Variants in GALNT13 observed in about 807,000 individuals in gnomAD.
GALNT13 encodes the protein UDP-GalNAc:polypeptide N-acetylgalactosaminyltransferase 13.
Under a neutral mutation model 64.2 loss-of-function variants are expected in GALNT13, and 28 were observed. The ratio of observed to expected loss-of-function variants is 0.44; its 90% CI spans 0.32 to 0.60. The LOEUF (loss-of-function observed/expected upper bound fraction) is 0.60. Among genes scored for constraint, GALNT13 ranks in the 20% least tolerant of loss-of-function variants. The probability of loss-of-function intolerance (pLI) is 0.05; values close to 1 mark genes in which losing one functional copy is unlikely to be tolerated. For missense variants in GALNT13, 577 were observed against 669.8 expected, an observed-to-expected ratio of 0.86 and a Z score of 1.53; for synonymous variants, 214 against 224.6, an observed-to-expected ratio of 0.95 and a Z score of 0.42.
the GALNT13 span, among the ~76,000 whole-genome samples, chr2:153,645,611 A>T: frequency 1.3e-5 from 2 of 152,026 alleles, no homozygotes; most frequent in Non-Finnish European, 2.9e-5. Context: ...TGATTTATGG[A>T]TTTTGTATAT....
intron 1 of GALNT13, among the ~76,000 whole-genome samples, chr2:153,874,531 G>C (rs1281505317): frequency 1.3e-5 from 2 of 152,048 alleles, no homozygotes; most frequent in Non-Finnish European, 2.9e-5. Context: ...TCCTGAGTGG[G>C]AATGTGAGAA....
chr2:153,671,242 A>G, the GALNT13 span, among the ~76,000 whole-genome samples: 2 of 152,190 alleles, frequency 1.3e-5, no homozygotes, highest in Admixed American at 6.5e-5. Flanking sequence ...CCCAAGACAC[A>G]TGATCGTTAG....
At chr2:153,358,340 T>C in the GALNT13 span, among the ~76,000 whole-genome samples, 1 of 152,216 alleles carries the variant, frequency 6.6e-6, no homozygotes, top group African/African-American at 2.4e-5. Flanking sequence ...AGGACGTCAC[T>C]AGCAGAAGGT....
chr2:154,114,034 C>T (rs527548062), intron 3 of GALNT13, among the ~76,000 whole-genome samples: 30 of 152,288 alleles, frequency 2.0e-4, no homozygotes, highest in African/African-American at 6.5e-4. Flanking sequence ...CTCCAAGAGC[C>T]GTCTGTCTTC....
chr2:153,558,471 G>A, the GALNT13 span, among the ~76,000 whole-genome samples: 2 of 152,170 alleles, frequency 1.3e-5, no homozygotes, highest in Non-Finnish European at 2.9e-5. Flanking sequence ...CTTAGCGATG[G>A]CATCATAAAT....
chr2:153,100,813 G>A, the GALNT13 span, among the ~76,000 whole-genome samples: 12 of 152,110 alleles, frequency 7.9e-5, no homozygotes, highest in Non-Finnish European at 1.2e-4. Flanking sequence ...GAGATCTCTT[G>A]AGGCCAGGAG....
chr2:153,489,847 T>C, the GALNT13 span, among the ~76,000 whole-genome samples: 1 of 152,230 alleles, frequency 6.6e-6, no homozygotes, highest in South Asian at 2.1e-4. Context: ...TTAGCATGCA[T>C]AGTTAGGTTA....
the GALNT13 span, among the ~76,000 whole-genome samples, chr2:153,099,500 T>C: frequency 6.6e-6 from 1 of 152,180 alleles, no homozygotes; most frequent in African/African-American, 2.4e-5. Flanking sequence ...TTATGCGTTC[T>C]GCTAATAAAG....
At chr2:153,770,475 G>T in the GALNT13 span, among the ~76,000 whole-genome samples, 3 of 152,312 alleles carry the variant, frequency 2.0e-5, no homozygotes, top group East Asian at 5.8e-4. Context: ...TTGGTATCAG[G>T]AAGCTTATCT....
the GALNT13 span, among the ~76,000 whole-genome samples, chr2:153,799,711 GT>G: frequency 6.6e-6 from 1 of 152,068 alleles, no homozygotes; most frequent in South Asian, 2.1e-4. Flanking sequence ...CTATGACTTA[GT>G]TTGGCCTATT....
chr2:153,415,241 G>T, the GALNT13 span, among the ~76,000 whole-genome samples: 3 of 152,292 alleles, frequency 2.0e-5, no homozygotes, highest in East Asian at 3.9e-4. Flanking sequence ...CAGGGCAGAA[G>T]AGTATGACTC....
the GALNT13 span, among the ~76,000 whole-genome samples, chr2:153,112,121 C>T: frequency 8.5e-5 from 13 of 152,212 alleles, no homozygotes; most frequent in East Asian, 2.3e-3. Context: ...ATGGCGGGGG[C>T]AAGAGTGTGA....
At chr2:153,777,707 A>G in the GALNT13 span, among the ~76,000 whole-genome samples, 3 of 151,924 alleles carry the variant, frequency 2.0e-5, no homozygotes, top group Non-Finnish European at 4.4e-5. Flanking sequence ...CCTCTAGGGG[A>G]GCATACAGAC....
the GALNT13 span, among the ~76,000 whole-genome samples, chr2:153,231,198 A>G: frequency 6.6e-6 from 1 of 152,218 alleles, no homozygotes; most frequent in Non-Finnish European, 1.5e-5. Flanking sequence ...CAGCAGACGC[A>G]TTAGGTTTCT....
the GALNT13 span, among the ~76,000 whole-genome samples, chr2:153,744,641 T>C: frequency 6.6e-6 from 1 of 152,116 alleles, no homozygotes; most frequent in African/African-American, 2.4e-5. Flanking sequence ...AAATTCCAGG[T>C]TGTTTCTCAT....
intron 6 of GALNT13, 109 bp from the exon 7 acceptor site, chr2:154,245,703 A>C: frequency 2.8e-6 from 2 of 708,500 alleles, no homozygotes; most frequent in Non-Finnish European, 4.7e-6. Flanking sequence ...AGGCATATTA[A>C]AGTAACAAAA....
At chr2:154,177,070 T>A (rs562463103) in intron 4 of GALNT13, among the ~76,000 whole-genome samples, 1 of 152,258 alleles carries the variant, frequency 6.6e-6, no homozygotes, top group South Asian at 2.1e-4. Context: ...TACATAATGT[T>A]CAACAACAAT....
chr2:153,926,857 T>G (rs1690175337), intron 2 of GALNT13, among the ~76,000 whole-genome samples: 1 of 152,144 alleles, frequency 6.6e-6, no homozygotes, highest in African/African-American at 2.4e-5. Flanking sequence ...TTCCTCATTA[T>G]TCAGATAATA....
At chr2:153,498,864 T>C in the GALNT13 span, among the ~76,000 whole-genome samples, 1 of 152,028 alleles carries the variant, frequency 6.6e-6, no homozygotes, top group Non-Finnish European at 1.5e-5. Flanking sequence ...CTTTTTTTTT[T>C]TTGAGACGGA....
Sources: allele counts gnomAD v4.1 joint callset (sites outside exome capture counted in the v4.1 genomes callset), GRCh38; gene constraint gnomAD v4.1.1; transcripts MANE v1.5; gene names NCBI Gene and HGNC (gene_info 2026-07-23, HGNC 2026-07-21).